Variants in SNTG2 observed in about 807,000 individuals in gnomAD.
SNTG2 encodes the protein gamma-2-syntrophin.
A neutral mutation model predicts 70.9 loss-of-function variants in SNTG2; 74 were observed. The observed-to-expected ratio is 1.04, with a 90% CI of 0.86 to 1.27. The LOEUF is 1.27. Ranked by LOEUF, SNTG2 falls within the 50% of genes most tolerant of loss-of-function variation. The probability of loss-of-function intolerance (pLI) is 0.00; values close to 1 mark genes in which losing one functional copy is unlikely to be tolerated. For synonymous variants in SNTG2, 278 were observed against 273.8 expected (o/e 1.02, Z -0.15); for missense variants, 717 against 690.7 (o/e 1.04, Z -0.43).
At chr2:1,134,616 A>C (rs1668244383) in intron 4 of SNTG2, among the ~76,000 whole-genome samples, 1 of 152,146 alleles carries the variant, frequency 6.6e-6, no homozygotes, top group Non-Finnish European at 1.5e-5. Flanking sequence ...AGCTAGACAT[A>C]AAGGTTCTCC....
chr2:1,072,350 T>C (rs1053581466), intron 1 of SNTG2, among the ~76,000 whole-genome samples: 5 of 127,666 alleles, frequency 3.9e-5, no homozygotes, highest in African/African-American at 1.2e-4. Context: ...TTTCTTTTTC[T>C]TTTTTTTTTT....
At chr2:1,085,044 G>A (rs964513395) in intron 2 of SNTG2, among the ~76,000 whole-genome samples, 5 of 152,100 alleles carry the variant, frequency 3.3e-5, no homozygotes, top group Admixed American at 2.6e-4. Context: ...CGGTCTTCAC[G>A]GGCTCATACA....
intron 1 of SNTG2, among the ~76,000 whole-genome samples, chr2:1,046,629 G>A (rs984120715): frequency 6.6e-6 from 1 of 152,154 alleles, no homozygotes; most frequent in South Asian, 2.1e-4. Flanking sequence ...TAGTTTTGCT[G>A]GATATGAAAT....
intron 8 of SNTG2, among the ~76,000 whole-genome samples, chr2:1,178,484 C>A (rs1424739460): frequency 2.0e-5 from 3 of 152,062 alleles, no homozygotes; most frequent in African/African-American, 7.2e-5. Flanking sequence ...CCCATCAATA[C>A]CTAATTTATT....
intron 1 of SNTG2, among the ~76,000 whole-genome samples, chr2:1,043,216 G>C (rs1204678888): frequency 1.3e-5 from 2 of 151,982 alleles, no homozygotes; most frequent in African/African-American, 4.8e-5. Flanking sequence ...TTAAAATGGG[G>C]TTGTTTGTTT....
intron 1 of SNTG2, among the ~76,000 whole-genome samples, chr2:964,697 A>G (rs13414954): frequency 0.32 from 48,158 of 152,004 alleles, 8,158 homozygotes; most frequent in African/African-American, 0.42. Flanking sequence ...TCCTCGAGAC[A>G]CGGGGAGCTC....
At chr2:1,179,269 A>G (rs988684640) in intron 8 of SNTG2, among the ~76,000 whole-genome samples, 18 of 152,112 alleles carry the variant, frequency 1.2e-4, no homozygotes, top group Non-Finnish European at 2.5e-4. Context: ...TGGATTAATT[A>G]ATTTTTTGAA....
At chr2:1,120,044 A>C (rs1190391187) in intron 4 of SNTG2, among the ~76,000 whole-genome samples, 1 of 152,172 alleles carries the variant, frequency 6.6e-6, no homozygotes, top group Non-Finnish European at 1.5e-5. Context: ...TATTACAACA[A>C]GAAAATAAGA....
intron 1 of SNTG2, among the ~76,000 whole-genome samples, chr2:971,536 C>A (rs1338549608): frequency 6.6e-6 from 1 of 151,454 alleles, no homozygotes; most frequent in African/African-American, 2.4e-5. Flanking sequence ...TTATTTAGAT[C>A]TTTTCTCTTT....
At chr2:1,294,754 C>T (rs989224788) in intron 14 of SNTG2, among the ~76,000 whole-genome samples, 1 of 151,650 alleles carries the variant, frequency 6.6e-6, no homozygotes, top group African/African-American at 2.4e-5. Context: ...AATTATTGAA[C>T]AAAATATCTT....
chr2:1,240,655 A>G (rs1258964537), intron 11 of SNTG2, among the ~76,000 whole-genome samples: 1 of 152,226 alleles, frequency 6.6e-6, no homozygotes, highest in Non-Finnish European at 1.5e-5. Flanking sequence ...TGAATTCACG[A>G]TGGAGGACTT....
rs1558602839 is a variant in SNTG2 at position 1,255,887 on chromosome 2, T to TATATATAA, written c.1006-3475_1006-3468dup. Among the ~76,000 whole-genome samples the TATATATAA allele has an allele frequency of 6.3e-5, 4 of 63,534 alleles. No individual in the cohort carries two copies. The East Asian group carries it at 1.4e-3, about 22-fold the overall frequency. The allele number at this position is 63,534 out of a possible 152,430, so 41.7% of individuals were successfully genotyped here. ...AAATATATATAAATATATATATAAA[T>TATATATAA]ATATATAAATATATATATAAATATA... On this transcript the variant is annotated intron_variant, in intron 12 of 16. Coordinates refer to ENST00000308624, the MANE Select transcript of SNTG2 (RefSeq NM_018968.4).
At position 1,237,884 on chromosome 2, in the gene SNTG2, C is replaced by A; in HGVS notation, c.720-4C>A. Reference sequence around the variant, plus strand: ...GCCTCCTGGACAGCTCTCTCCCTCCCCAGGTGGAATGCGTTCGAGGTGCTC... The same window carrying A: ...GCCTCCTGGACAGCTCTCTCCCTCCACAGGTGGAATGCGTTCGAGGTGCTC... On this transcript the variant is annotated splice_region_variant and splice_polypyrimidine_tract_variant and intron_variant, in intron 9 of 16. Coordinates refer to ENST00000308624, the MANE Select transcript of SNTG2 (RefSeq NM_018968.4). The A allele has an allele frequency of 1.9e-6, 3 of 1,598,280 alleles. No individual in the cohort carries two copies. Among genetic ancestry groups the A allele is most frequent in the Non-Finnish European group, 2.6e-6 (3 of 1,172,812 alleles).
At chr2:1,104,516 A>G (rs1665990026) in intron 4 of SNTG2, among the ~76,000 whole-genome samples, 1 of 152,230 alleles carries the variant, frequency 6.6e-6, no homozygotes, top group Non-Finnish European at 1.5e-5. Context: ...TTAAGTCAAT[A>G]GACTTCTAAT....
At chr2:1,294,749 T>TTAC (rs1200756325) in intron 14 of SNTG2, among the ~76,000 whole-genome samples, 1 of 151,502 alleles carries the variant, frequency 6.6e-6, no homozygotes, top group African/African-American at 2.5e-5. Flanking sequence ...TGAGAAATTA[T>TTAC]TGAACAAAAT....
intron 11 of SNTG2, among the ~76,000 whole-genome samples, chr2:1,241,946 G>A (rs1558585237): frequency 1.3e-5 from 2 of 152,128 alleles, no homozygotes; most frequent in South Asian, 4.1e-4. Context: ...TCACTCCTGA[G>A]GCTTAATTTC....
intron 9 of SNTG2, among the ~76,000 whole-genome samples, chr2:1,222,569 A>G (rs1211771459): frequency 1.4e-4 from 4 of 28,646 alleles, no homozygotes; most frequent in African/African-American, 7.8e-4. Flanking sequence ...CGGTGCAGTG[A>G]TGGAGGGCGT....
At chr2:1,082,652 C>G (rs1664410703) in intron 1 of SNTG2, among the ~76,000 whole-genome samples, 1 of 152,194 alleles carries the variant, frequency 6.6e-6, no homozygotes, top group Non-Finnish European at 1.5e-5. Flanking sequence ...GGCTGCCACC[C>G]CTGCTCCTGC....
intron 1 of SNTG2, among the ~76,000 whole-genome samples, chr2:1,069,043 T>C (rs1663346342): frequency 6.6e-6 from 1 of 152,208 alleles, no homozygotes; most frequent in Non-Finnish European, 1.5e-5. Flanking sequence ...CTCAAACACG[T>C]GTCAGTGTCA....
Sources: gnomAD v4.1 joint callset for allele counts (sites outside exome capture counted in the v4.1 genomes callset) on GRCh38, gnomAD v4.1.1 for gene constraint, MANE v1.5 for transcripts, NCBI Gene and HGNC (gene_info 2026-07-23, HGNC 2026-07-21) for gene names.